VSTM1: variants seen among roughly 807,000 people sequenced by gnomAD.
VSTM1 encodes V-set and transmembrane domain containing 1.
Under a neutral mutation model 33.1 loss-of-function variants are expected in VSTM1, and 27 were observed. That is an observed-to-expected ratio of 0.82 (90% confidence interval 0.60 to 1.12). VSTM1 has a LOEUF of 1.12. VSTM1 is among the 50% of genes most tolerant of loss of function. VSTM1 has a pLI of 0.00. For synonymous variants in VSTM1, 115 were observed against 110.3 expected (o/e 1.04, Z -0.27); for missense variants, 304 against 288.9 (o/e 1.05, Z -0.38).
At chr19:54,057,427 A>T (rs1234555374) in intron 3 of VSTM1, among the ~76,000 whole-genome samples, 2 of 151,024 alleles carry the variant, frequency 1.3e-5, no homozygotes, top group African/African-American at 4.9e-5. Flanking sequence ...ATGTGGGAAA[A>T]TCGCTTGAGC....
intron 1 of VSTM1, among the ~76,000 whole-genome samples, chr19:54,063,482 T>G (rs2071496154): frequency 6.6e-6 from 1 of 152,146 alleles, no homozygotes; most frequent in Non-Finnish European, 1.5e-5. Flanking sequence ...ACTGCGGTAT[T>G]TAGCGGCTGC....
At chr19:54,050,817 TAAAAACA>T (rs565718243) in intron 4 of VSTM1, among the ~76,000 whole-genome samples, 77 of 151,044 alleles carry the variant, frequency 5.1e-4, no homozygotes, top group African/African-American at 6.8e-4. Context: ...CCATCTCTAC[TAAAAACA>T]AAAAACAAAA....
rs921962405 is a variant in VSTM1, at chr19:54,054,792, G to A, written c.356-3344C>T. 2.2e-5 allele frequency among the ~76,000 whole-genome samples: 3 copies of A among 137,826 alleles called. 1 individual carries two copies. Among genetic ancestry groups the A allele is most frequent in the Non-Finnish European group, 3.2e-5 (2 of 63,026 alleles). 90.4% of individuals were successfully genotyped at this position (137,826 alleles called of 152,430 possible). On this transcript the variant is annotated intron_variant, in intron 3 of 8. Coordinates refer to ENST00000338372, the MANE Select transcript of VSTM1 (RefSeq NM_198481.4). ...AGGTAGGTAGATAGATGGATGAAGG[G>A]GTGGGTGGACAGATGAATGGAAGGG...
intron 4 of VSTM1, among the ~76,000 whole-genome samples, chr19:54,050,133 G>A (rs1340235827): frequency 1.3e-5 from 2 of 151,008 alleles, no homozygotes; most frequent in African/African-American, 4.9e-5. Flanking sequence ...TGAGTAGCTG[G>A]GAATACAGGC....
At chr19:54,054,634 A>AATGGATGGATGG (rs35280887) in intron 3 of VSTM1, among the ~76,000 whole-genome samples, 22,779 of 135,310 alleles carry the variant, frequency 0.17, 4,712 homozygotes, top group Non-Finnish European at 0.22. Flanking sequence ...TGAATGGATG[A>AATGGATGGATGG]ATGGATGGAT....
rs751213216 is a variant in VSTM1, at chr19:54,058,446, T to C, written c.215A>G (p.Gln72Arg). Residue 72 changes from glutamine (Q) to arginine (R), a missense_variant, in exon 3 of 9, where the codon CAG becomes CGG. Physicochemically the swap from Gln to Arg is conservative, Grantham distance 43. Transcript: ENST00000338372. ...TTCAGCTTCGTTTTCTGCCGAGCTC[T>C]GTTCCTGCTTGTACCCAGAGTCGTT... Reference protein sequence around the residue: ...KVNDSGYKQEQSSAENEAEFP... With the variant: ...KVNDSGYKQERSSAENEAEFP... 12 of 1,613,962 alleles carry C rather than the reference T, an allele frequency of 7.4e-6. No individual in the cohort carries two copies. The East Asian group carries it at 2.0e-4, about 27-fold the overall frequency.
chr19:54,061,763 A>G (rs1422347093), intron 1 of VSTM1, among the ~76,000 whole-genome samples: 1 of 152,002 alleles, frequency 6.6e-6, no homozygotes, highest in African/African-American at 2.4e-5. Context: ...GCAGTGAGCT[A>G]TGGTGGTACC....
At chr19:54,043,694 G>A (rs1367493649) in intron 4 of VSTM1, among the ~76,000 whole-genome samples, 1 of 152,186 alleles carries the variant, frequency 6.6e-6, no homozygotes, top group Non-Finnish European at 1.5e-5. Flanking sequence ...TTACAGGCGT[G>A]AGCCACCACA....
chr19:54,063,740 T>A lies in VSTM1; in HGVS notation c.34+4A>T. 1 of 1,613,760 alleles carries A rather than the reference T, an allele frequency of 6.2e-7. No individual in the cohort carries two copies. The highest frequency in any genetic ancestry group is 2.2e-5 in the East Asian group (1 of 44,860). Reference sequence around the variant, plus strand: ...GCCCATTCGTCCCAGTCCTGGAGACTCACCGAGGCAAAGCAGGGAGAGGAA... The same window carrying A: ...GCCCATTCGTCCCAGTCCTGGAGACACACCGAGGCAAAGCAGGGAGAGGAA... On this transcript the variant is annotated splice_donor_region_variant and intron_variant, in intron 1 of 8. Coordinates refer to ENST00000338372, the MANE Select transcript of VSTM1 (RefSeq NM_198481.4).
At chr19:54,047,968 A>G (rs1568460456) in intron 4 of VSTM1, among the ~76,000 whole-genome samples, 1 of 152,222 alleles carries the variant, frequency 6.6e-6, no homozygotes, top group East Asian at 1.9e-4. Context: ...ATGGAGGCAC[A>G]GGCACCAGAA....
In VSTM1 at chr19:54,040,865, C is replaced by G; in HGVS notation, c.*96G>C. Reference sequence around the variant, plus strand: ...AGAAACTTAATTTTATTGATATGGACGAAGAGCAAGGAAACACAGTATCTG... The same window carrying G: ...AGAAACTTAATTTTATTGATATGGAGGAAGAGCAAGGAAACACAGTATCTG... On this transcript the variant is annotated 3_prime_UTR_variant, in exon 9 of 9. Transcript: ENST00000338372. The G allele has an allele frequency of 6.8e-7, 1 of 1,478,854 alleles. No individual in the cohort carries two copies. The highest frequency in any genetic ancestry group is 9.0e-7 in the Non-Finnish European group (1 of 1,106,590). The allele number at this position is 1,478,854 out of a possible 1,614,324, so 91.6% of individuals were successfully genotyped here. A position where few individuals can be genotyped will look rare whatever the true frequency, so the allele number is the denominator to read the frequency against.
At chr19:54,062,858 G>A (rs2071464048) in intron 1 of VSTM1, among the ~76,000 whole-genome samples, 1 of 152,162 alleles carries the variant, frequency 6.6e-6, no homozygotes, top group African/African-American at 2.4e-5. Context: ...CGCACCCCCC[G>A]TGCACCAGGG....
chr19:54,045,798 T>G (rs2433723), intron 4 of VSTM1, among the ~76,000 whole-genome samples: 144,843 of 151,948 alleles, frequency 0.95, 69,221 homozygotes, highest in Middle Eastern at 0.99. Flanking sequence ...TATCTATCTA[T>G]CTAGCTAGCT....
At chr19:54,042,643 T>C (rs574155275) in intron 4 of VSTM1, among the ~76,000 whole-genome samples, 13 of 151,080 alleles carry the variant, frequency 8.6e-5, no homozygotes, top group Non-Finnish European at 1.6e-4. Context: ...GCTTGGCGCA[T>C]AGGAAATTCC....
At chr19:54,061,125 T>C (rs1335091865) in intron 1 of VSTM1, among the ~76,000 whole-genome samples, 2 of 151,216 alleles carry the variant, frequency 1.3e-5, no homozygotes, top group African/African-American at 4.9e-5. Flanking sequence ...TCAAGCGATT[T>C]TCCTGCCTCA....
At chr19:54,046,794 C>A (rs1330294862) in intron 4 of VSTM1, among the ~76,000 whole-genome samples, 1 of 152,198 alleles carries the variant, frequency 6.6e-6, no homozygotes, top group African/African-American at 2.4e-5. Context: ...CCTTCTCTGT[C>A]TCCACTGCTT....
intron 3 of VSTM1, among the ~76,000 whole-genome samples, chr19:54,054,859 GGATGGA>G (rs2071014945): frequency 4.6e-5 from 4 of 86,028 alleles, no homozygotes; most frequent in Non-Finnish European, 1.2e-4. Context: ...ATGGATGGAT[GGATGGA>G]TGGATGGATG....
chr19:54,044,028 G>A (rs546709736), intron 4 of VSTM1, among the ~76,000 whole-genome samples: 22 of 152,046 alleles, frequency 1.4e-4, no homozygotes, highest in Admixed American at 1.0e-3. Flanking sequence ...CTCCTCACTC[G>A]GCCTCCAGGG....
chr19:54,042,816 A>ATATATGTG (rs66621735), intron 4 of VSTM1, among the ~76,000 whole-genome samples: 168 of 54,948 alleles, frequency 3.1e-3, no homozygotes, highest in African/African-American at 9.9e-3. Context: ...GTATATATAT[A>ATATATGTG]TATATATATA....
Sources: allele counts gnomAD v4.1 joint callset (sites outside exome capture counted in the v4.1 genomes callset), GRCh38; gene constraint gnomAD v4.1.1; transcripts MANE v1.5; gene names NCBI Gene and HGNC (gene_info 2026-07-23, HGNC 2026-07-21).